Variants in ALK observed in about 807,000 individuals in gnomAD.
ALK encodes the protein ALK tyrosine kinase receptor.
In ALK, 74 loss-of-function variants were observed where a neutral mutation model predicts 163.1. The ratio of observed to expected loss-of-function variants is 0.45; its 90% CI spans 0.38 to 0.55. The LOEUF is 0.55. ALK is among the 20% of genes least tolerant of loss of function. The probability of loss-of-function intolerance (pLI) is 0.00; values close to 1 mark genes in which losing one functional copy is unlikely to be tolerated. For synonymous variants in ALK, 960 were observed against 843.2 expected, an observed-to-expected ratio of 1.14 and a Z score of -2.40; for missense variants, 2,063 against 2,105.3, an observed-to-expected ratio of 0.98 and a Z score of 0.39.
intron 1 of ALK, among the ~76,000 whole-genome samples, chr2:29,908,337 G>C (rs922850949): frequency 6.6e-6 from 1 of 150,960 alleles, no homozygotes; most frequent in African/African-American, 2.4e-5. Flanking sequence ...CTGTCTCTCT[G>C]TCTCTCCTTT....
intron 1 of ALK, among the ~76,000 whole-genome samples, chr2:29,752,348 CT>C (rs34424748): frequency 0.093 from 11,233 of 120,924 alleles, 1,350 homozygotes; most frequent in African/African-American, 0.35. Context: ...ATTTTCTTTT[CT>C]TTTTTTTTTT....
chr2:29,211,218 A>T (rs1225450514), intron 24 of ALK, among the ~76,000 whole-genome samples: 1 of 152,246 alleles, frequency 6.6e-6, no homozygotes, highest in Non-Finnish European at 1.5e-5. Context: ...CTGATCCAGA[A>T]GGTTTAAGTT....
intron 1 of ALK, among the ~76,000 whole-genome samples, chr2:29,763,134 G>T (rs1488589682): frequency 6.6e-6 from 1 of 151,776 alleles, no homozygotes; most frequent in Non-Finnish European, 1.5e-5. Flanking sequence ...AGATGACCTG[G>T]GTATGGGTCT....
At chr2:29,481,243 C>T (rs1018289338) in intron 4 of ALK, among the ~76,000 whole-genome samples, 2 of 152,216 alleles carry the variant, frequency 1.3e-5, no homozygotes, top group Non-Finnish European at 2.9e-5. Context: ...ACCATTTCAT[C>T]ATTTTCCTCT....
chr2:29,636,944 A>G (rs1358696815), intron 3 of ALK, among the ~76,000 whole-genome samples: 1 of 152,222 alleles, frequency 6.6e-6, no homozygotes, highest in Non-Finnish European at 1.5e-5. Context: ...AACACCAAAT[A>G]CTGATAAGGA....
intron 8 of ALK, among the ~76,000 whole-genome samples, chr2:29,298,228 A>G (rs1666257544): frequency 6.6e-6 from 1 of 152,180 alleles, no homozygotes; most frequent in Admixed American, 6.5e-5. Flanking sequence ...CTGGTCTATA[A>G]CCACAGACAC....
intron 3 of ALK, among the ~76,000 whole-genome samples, chr2:29,620,783 T>C (rs867822846): frequency 2.0e-5 from 3 of 152,138 alleles, no homozygotes; most frequent in African/African-American, 4.8e-5. Flanking sequence ...GTATAAACAC[T>C]AAGAAATAAT....
At chr2:29,564,290 G>A (rs974467596) in intron 3 of ALK, among the ~76,000 whole-genome samples, 1 of 152,086 alleles carries the variant, frequency 6.6e-6, no homozygotes, top group Admixed American at 6.5e-5. Flanking sequence ...AGGGGTGACA[G>A]GTGCTTCTTC....
chr2:29,916,156 C>G, intron 1 of ALK, among the ~76,000 whole-genome samples: 1 of 152,222 alleles, frequency 6.6e-6, no homozygotes, highest in East Asian at 1.9e-4. Context: ...TGACCCACAT[C>G]TCACCTGACT....
At chr2:29,216,202 C>T (rs1011495421) in intron 23 of ALK, among the ~76,000 whole-genome samples, 1 of 152,180 alleles carries the variant, frequency 6.6e-6, no homozygotes. Flanking sequence ...TCCTCGGACC[C>T]AGCTGTTCTT....
In ALK at chr2:29,220,595, C is replaced by T. The variant is rs1669773943; in HGVS notation, c.3645+111G>A. ...CCCCCCTGTCCAAGCCTAAAGTTGA[C>T]ACCCTGGGTTCCATCGAGGAACTTG... On this transcript the variant is annotated intron_variant, in intron 23 of 28. Coordinates refer to ENST00000389048, the MANE Select transcript of ALK (RefSeq NM_004304.5). 13 of 1,500,220 alleles carry T rather than the reference C, an allele frequency of 8.7e-6. No individual in the cohort carries two copies. In the Admixed American group the frequency reaches 2.2e-4, roughly 25 times the overall value. The allele number at this position is 1,500,220 out of a possible 1,614,324, so 92.9% of individuals were successfully genotyped here.
chr2:29,287,280 C>A (rs573592968), intron 9 of ALK, among the ~76,000 whole-genome samples: 1 of 152,188 alleles, frequency 6.6e-6, no homozygotes, highest in East Asian at 1.9e-4. Context: ...TTACAATAGT[C>A]AAAAATGAGC....
At chr2:29,862,819 CT>C (rs1186781568) in intron 1 of ALK, among the ~76,000 whole-genome samples, 1 of 126,856 alleles carries the variant, frequency 7.9e-6, no homozygotes, top group Non-Finnish European at 1.8e-5. Context: ...CCAAAGCAAT[CT>C]TGAGAAAAAA....
At chr2:29,870,902 G>T (rs924048109) in intron 1 of ALK, among the ~76,000 whole-genome samples, 1 of 152,158 alleles carries the variant, frequency 6.6e-6, no homozygotes, top group Non-Finnish European at 1.5e-5. Flanking sequence ...AGTGTTTTAG[G>T]TCTTTGATAA....
chr2:29,503,607 G>A (rs1320939083), intron 4 of ALK, among the ~76,000 whole-genome samples: 1 of 152,164 alleles, frequency 6.6e-6, no homozygotes, highest in Non-Finnish European at 1.5e-5. Flanking sequence ...GCTTTAGAGA[G>A]GAGGTAACAT....
chr2:29,888,301 T>G (rs1210584235), intron 1 of ALK, among the ~76,000 whole-genome samples: 1 of 150,958 alleles, frequency 6.6e-6, no homozygotes, highest in Non-Finnish European at 1.5e-5. Flanking sequence ...TGATCAATGA[T>G]CACAATTTTA....
intron 1 of ALK, among the ~76,000 whole-genome samples, chr2:29,803,609 A>C (rs1454455994): frequency 6.6e-6 from 1 of 152,186 alleles, no homozygotes; most frequent in Non-Finnish European, 1.5e-5. Flanking sequence ...TCTATGTTTC[A>C]TCCAATCCAT....
intron 4 of ALK, among the ~76,000 whole-genome samples, chr2:29,453,996 G>A (rs1431419860): frequency 6.6e-6 from 1 of 152,152 alleles, no homozygotes; most frequent in Non-Finnish European, 1.5e-5. Context: ...CACACGCAGT[G>A]CTCCCCCAAA....
chr2:29,850,155 G>A (rs1310315769), intron 1 of ALK, among the ~76,000 whole-genome samples: 2 of 152,306 alleles, frequency 1.3e-5, no homozygotes, highest in Non-Finnish European at 2.9e-5. Flanking sequence ...CAATGAGGAT[G>A]AATCAATCTA....
Sources: allele counts gnomAD v4.1 joint callset (sites outside exome capture counted in the v4.1 genomes callset), GRCh38; gene constraint gnomAD v4.1.1; transcripts MANE v1.5; gene names NCBI Gene and HGNC (gene_info 2026-07-23, HGNC 2026-07-21).